ZRANB3: variants seen among roughly 807,000 people sequenced by gnomAD.
ZRANB3 encodes the protein zinc finger RANBP2-type containing 3.
In ZRANB3, 125 loss-of-function variants were observed where a neutral mutation model predicts 133.8. The ratio of observed to expected loss-of-function variants is 0.93; its 90% CI spans 0.81 to 1.08. The LOEUF (loss-of-function observed/expected upper bound fraction) is 1.08. Among genes scored for constraint, ZRANB3 ranks in the 50% least tolerant of loss-of-function variants. The pLI is 0.00. For missense variants in ZRANB3, 1,229 were observed against 1,275.5 expected, an observed-to-expected ratio of 0.96 and a Z score of 0.56; for synonymous variants, 387 against 432.7, an observed-to-expected ratio of 0.89 and a Z score of 1.31.
chr2:135,475,260 T>G (rs187107611), intron 2 of ZRANB3, among the ~76,000 whole-genome samples: 341 of 152,330 alleles, frequency 2.2e-3, no homozygotes, highest in African/African-American at 6.0e-3. Context: ...TACTTACACA[T>G]GAAGCATTCA....
At chr2:135,315,879 A>C (rs1683225782) in intron 6 of ZRANB3, among the ~76,000 whole-genome samples, 2 of 152,192 alleles carry the variant, frequency 1.3e-5, no homozygotes, top group African/African-American at 4.8e-5. Flanking sequence ...TAGCAGATCT[A>C]TCCATAAAGT....
Position 135,402,234 on chromosome 2 carries a change from A to G in ZRANB3, c.162-11414T>C, listed in dbSNP as rs563243377. ...TATTCATTCATCTTGATTTGAGGCA[A>G]TAATTTAATATTTCAATGTAAACTT... On this transcript the variant is annotated intron_variant, in intron 2 of 20. Coordinates refer to ENST00000264159, the MANE Select transcript of ZRANB3 (RefSeq NM_032143.4). Among the ~76,000 whole-genome samples, 7 of 152,056 alleles carry G rather than the reference A, an allele frequency of 4.6e-5. No individual in the cohort carries two copies. In the East Asian group the frequency reaches 9.6e-4, roughly 21 times the overall value.
At chr2:135,289,001 T>C (rs780497072) in intron 8 of ZRANB3, among the ~76,000 whole-genome samples, 4 of 152,034 alleles carry the variant, frequency 2.6e-5, no homozygotes, top group Non-Finnish European at 1.5e-5. Context: ...CTCTAGTTTC[T>C]TGAGGTATGA....
intron 5 of ZRANB3, 108 bp from the exon 6 acceptor site, chr2:135,345,743 A>G (rs1363014298): frequency 1.3e-6 from 1 of 747,098 alleles, no homozygotes; most frequent in South Asian, 1.9e-5. Flanking sequence ...AGAAAATCCA[A>G]CTGTTTATTC....
At chr2:135,460,395 G>T (rs530783434) in intron 2 of ZRANB3, among the ~76,000 whole-genome samples, 1 of 151,770 alleles carries the variant, frequency 6.6e-6, no homozygotes, top group Admixed American at 6.6e-5. Context: ...CTGAGTGGCT[G>T]GGATTACAGG....
chr2:135,446,218 A>AG (rs1446005485), intron 2 of ZRANB3, among the ~76,000 whole-genome samples: 1 of 152,066 alleles, frequency 6.6e-6, no homozygotes, highest in Non-Finnish European at 1.5e-5. Flanking sequence ...AAAAAAAAAA[A>AG]AAAGAAAGAA....
intron 2 of ZRANB3, among the ~76,000 whole-genome samples, chr2:135,491,259 C>T (rs929318900): frequency 6.6e-6 from 1 of 152,206 alleles, no homozygotes; most frequent in South Asian, 2.1e-4. Flanking sequence ...ATAATCACAA[C>T]ACAGAAATTA....
chr2:135,377,126 T>C (rs1686464038), intron 3 of ZRANB3, among the ~76,000 whole-genome samples: 2 of 152,230 alleles, frequency 1.3e-5, no homozygotes, highest in African/African-American at 2.4e-5. Flanking sequence ...AGTAAACAGA[T>C]GGCAGATGGT....
chr2:135,337,692 C>T (rs1287860163), intron 6 of ZRANB3, among the ~76,000 whole-genome samples: 11 of 152,204 alleles, frequency 7.2e-5, no homozygotes, highest in Admixed American at 6.5e-4. Context: ...CCCCCAGTTA[C>T]CAGAAAAACA....
At chr2:135,239,433 C>T (rs563501432) in intron 12 of ZRANB3, among the ~76,000 whole-genome samples, 36 of 149,564 alleles carry the variant, frequency 2.4e-4, no homozygotes, top group Middle Eastern at 7.0e-3. Context: ...AAAAAGGAAG[C>T]GAAAAAATAA....
At chr2:135,517,497 T>C (rs1461267511) in intron 1 of ZRANB3, among the ~76,000 whole-genome samples, 1 of 152,210 alleles carries the variant, frequency 6.6e-6, no homozygotes, top group Non-Finnish European at 1.5e-5. Context: ...TACTCCTTTC[T>C]GTATGTTAGT....
chr2:135,322,665 C>T (rs1012543568), intron 6 of ZRANB3, among the ~76,000 whole-genome samples: 2 of 152,048 alleles, frequency 1.3e-5, no homozygotes, highest in Non-Finnish European at 2.9e-5. Context: ...CTACAGTAAG[C>T]TATGATTGTG....
At chr2:135,513,205 C>T (rs1693546511) in intron 1 of ZRANB3, among the ~76,000 whole-genome samples, 2 of 152,080 alleles carry the variant, frequency 1.3e-5, no homozygotes, top group South Asian at 2.1e-4. Context: ...CGATCACTGA[C>T]AAGCTGATTC....
At chr2:135,426,845 AAAAAAAAAAAAAAAAAAAATATATAT>A (rs1413948509) in intron 2 of ZRANB3, among the ~76,000 whole-genome samples, 1 of 55,586 alleles carries the variant, frequency 1.8e-5, no homozygotes, top group Non-Finnish European at 2.9e-5. Flanking sequence ...AAAAAAAAAA[AAAAAAAAAAAAAAAAAAAATATATAT>A]ATATATATAT....
At chr2:135,489,464 T>C (rs936640273) in intron 2 of ZRANB3, among the ~76,000 whole-genome samples, 2 of 151,202 alleles carry the variant, frequency 1.3e-5, no homozygotes, top group African/African-American at 4.9e-5. Context: ...ATAATAATAA[T>C]AAAATAAAAT....
chr2:135,482,228 T>C (rs986903220), intron 2 of ZRANB3, among the ~76,000 whole-genome samples: 43 of 139,918 alleles, frequency 3.1e-4, no homozygotes, highest in Admixed American at 9.2e-4. Flanking sequence ...TTTCACGATA[T>C]TGATTCTTCC....
At chr2:135,431,245 T>C (rs1470786112) in intron 2 of ZRANB3, among the ~76,000 whole-genome samples, 4 of 151,668 alleles carry the variant, frequency 2.6e-5, no homozygotes, top group Admixed American at 2.6e-4. Context: ...TGATCCATGA[T>C]CGCACCACTG....
intron 12 of ZRANB3, among the ~76,000 whole-genome samples, chr2:135,264,288 T>C (rs1471013840): frequency 2.0e-5 from 3 of 150,972 alleles, no homozygotes; most frequent in Non-Finnish European, 4.4e-5. Flanking sequence ...CTGGCCAACA[T>C]AGTGAAACCC....
chr2:135,431,324 A>G (rs888003101), intron 2 of ZRANB3, among the ~76,000 whole-genome samples: 17 of 150,720 alleles, frequency 1.1e-4, no homozygotes, highest in Non-Finnish European at 2.2e-4. Context: ...TGTAAAAAAA[A>G]GTAGATGATA....
Sources: allele counts gnomAD v4.1 joint callset (sites outside exome capture counted in the v4.1 genomes callset), GRCh38; gene constraint gnomAD v4.1.1; transcripts MANE v1.5; gene names NCBI Gene and HGNC (gene_info 2026-07-23, HGNC 2026-07-21).